The following SLMAP variants were observed in gnomAD, a reference collection of about 807,000 sequenced individuals.
SLMAP encodes the protein sarcolemmal membrane-associated protein.
SLMAP carries 44 observed loss-of-function variants against 128.8 expected under a neutral mutation model. The observed-to-expected ratio is 0.34, with a 90% CI of 0.27 to 0.44. SLMAP has a LOEUF of 0.44. Among genes scored for constraint, SLMAP ranks in the 20% least tolerant of loss-of-function variants. The probability of loss-of-function intolerance (pLI) is 1.00; values close to 1 mark genes in which losing one functional copy is unlikely to be tolerated. For missense variants in SLMAP, 787 were observed against 985.3 expected (o/e 0.80, Z 2.69); for synonymous variants, 327 against 348.8 (o/e 0.94, Z 0.70).
intron 2 of SLMAP, among the ~76,000 whole-genome samples, chr3:57,812,480 G>C (rs921561059): frequency 6.6e-6 from 1 of 152,084 alleles, no homozygotes; most frequent in African/African-American, 2.4e-5. Context: ...GTTTTGATTA[G>C]TGTAGCTTTG....
At chr3:57,861,287 C>T (rs2095048220) in intron 9 of SLMAP, among the ~76,000 whole-genome samples, 1 of 152,112 alleles carries the variant, frequency 6.6e-6, no homozygotes, top group African/African-American at 2.4e-5. Context: ...GAAATCATCT[C>T]CAAGGTCCTT....
chr3:57,791,303 T>G (rs533839345), intron 2 of SLMAP, among the ~76,000 whole-genome samples: 2 of 151,660 alleles, frequency 1.3e-5, no homozygotes, highest in Admixed American at 6.6e-5. Context: ...GAGGTTGCAG[T>G]GAGCCGAGAC....
At position 57,928,284 on chromosome 3, in the gene SLMAP, A is replaced by C. The variant is rs1284389873; in HGVS notation, c.*995A>C. Reference sequence around the variant, plus strand: ...GCATGATTTTTTTTTTCTATCATCTATTCCTCCAAGCATGTTTAATTGAAG... The same window carrying C: ...GCATGATTTTTTTTTTCTATCATCTCTTCCTCCAAGCATGTTTAATTGAAG... On this transcript the variant is annotated 3_prime_UTR_variant, in exon 25 of 25. Coordinates refer to ENST00000671191, the MANE Select transcript of SLMAP (RefSeq NM_001377540.1). 6.6e-6 allele frequency: 1 copy of C among 152,028 alleles called. No homozygotes were observed. The highest frequency in any genetic ancestry group is 1.5e-5 in the Non-Finnish European group (1 of 67,984). 9.4% of individuals were successfully genotyped at this position (152,028 alleles called of 1,614,324 possible).
chr3:57,822,335 A>G (rs1024828708), intron 2 of SLMAP, among the ~76,000 whole-genome samples: 9 of 152,084 alleles, frequency 5.9e-5, no homozygotes, highest in African/African-American at 1.9e-4. Flanking sequence ...TAAATCTGCA[A>G]TAGCTGTGAG....
chr3:57,856,290 A>G (rs2094784783), intron 6 of SLMAP, among the ~76,000 whole-genome samples: 2 of 152,196 alleles, frequency 1.3e-5, no homozygotes, highest in South Asian at 4.1e-4. Context: ...TAACTTTTTT[A>G]CTTTATAAAC....
intron 19 of SLMAP, among the ~76,000 whole-genome samples, chr3:57,911,217 G>A (rs537896139): frequency 1.3e-5 from 2 of 152,074 alleles, no homozygotes; most frequent in African/African-American, 4.8e-5. Flanking sequence ...TGTATTTCAC[G>A]ACTGTATCAA....
Position 57,927,402 on chromosome 3 carries a change from G to C in SLMAP, c.*113G>C. Reference sequence around the variant, plus strand: ...GCTTCTCCATGAGAGCGTTCCTTGAGTCCGTACACCGTCCTCCCTCTAGAA... The same window carrying C: ...GCTTCTCCATGAGAGCGTTCCTTGACTCCGTACACCGTCCTCCCTCTAGAA... On this transcript the variant is annotated 3_prime_UTR_variant, in exon 25 of 25. Coordinates refer to ENST00000671191, the MANE Select transcript of SLMAP (RefSeq NM_001377540.1). 6.6e-7 allele frequency: 1 copy of C among 1,510,506 alleles called. No individual in the cohort carries two copies. The highest frequency in any genetic ancestry group is 2.3e-5 in the East Asian group (1 of 43,500). The allele number at this position is 1,510,506 out of a possible 1,614,324, so 93.6% of individuals were successfully genotyped here. A position where few individuals can be genotyped will look rare whatever the true frequency, so the allele number is the denominator to read the frequency against.
chr3:57,809,990 A>G (rs1352993993), intron 2 of SLMAP, among the ~76,000 whole-genome samples: 1 of 152,180 alleles, frequency 6.6e-6, no homozygotes, highest in Non-Finnish European at 1.5e-5. Flanking sequence ...CTTGCTTGCC[A>G]TACTGCAGAT....
In SLMAP at chr3:57,815,713, C is replaced by T. The variant is rs78452419; in HGVS notation, c.199-15670C>T. On this transcript the variant is annotated intron_variant, in intron 2 of 24. Coordinates refer to ENST00000671191, the MANE Select transcript of SLMAP (RefSeq NM_001377540.1). ...TCTTGAACTCCTGGACTCAGACAGT[C>T]CTCCCACCTTAGCCTCCCAAAGTGC... Among the ~76,000 whole-genome samples the T allele has an allele frequency of 8.1e-3, 1,228 of 151,850 alleles. 14 individuals carry two copies. Among genetic ancestry groups the T allele is most frequent in the Middle Eastern group, 0.017 (5 of 292 alleles).
rs560353683 is a variant in SLMAP at position 57,875,244 on chromosome 3, C to A, written c.1300+3546C>A. On this transcript the variant is annotated intron_variant, in intron 14 of 24. Coordinates refer to ENST00000671191, the MANE Select transcript of SLMAP (RefSeq NM_001377540.1). ...GTGGACCAAAGAACAGCGAAAAAAACCAGGCACAGTGGCTCATACCTGTAA... is the reference window on the plus strand; with the variant it reads ...GTGGACCAAAGAACAGCGAAAAAAAACAGGCACAGTGGCTCATACCTGTAA... 8.9e-4 allele frequency among the ~76,000 whole-genome samples: 136 copies of A among 152,214 alleles called. No individual in the cohort carries two copies. The Middle Eastern group carries it at 0.01, about 11-fold the overall frequency.
At chr3:57,923,943 G>A (rs894394867) in intron 23 of SLMAP, among the ~76,000 whole-genome samples, 2 of 152,206 alleles carry the variant, frequency 1.3e-5, no homozygotes, top group Non-Finnish European at 2.9e-5. Context: ...AGAAGTTGAT[G>A]AACTGGGTGT....
At chr3:57,914,972 G>C (rs1025132713) in intron 21 of SLMAP, among the ~76,000 whole-genome samples, 1 of 149,332 alleles carries the variant, frequency 6.7e-6, no homozygotes, top group East Asian at 2.0e-4. Flanking sequence ...TGCAGCCTCC[G>C]CCTCCCAGGT....
At chr3:57,849,075 C>T (rs1371665825) in intron 5 of SLMAP, among the ~76,000 whole-genome samples, 1 of 151,118 alleles carries the variant, frequency 6.6e-6, no homozygotes, top group Non-Finnish European at 1.5e-5. Flanking sequence ...TAGCGTGACA[C>T]GGGGTTTCAC....
At chr3:57,812,650 T>G (rs1333438052) in intron 2 of SLMAP, among the ~76,000 whole-genome samples, 2 of 152,126 alleles carry the variant, frequency 1.3e-5, no homozygotes, top group African/African-American at 4.8e-5. Context: ...ATTGATTGCT[T>G]TGGGTATTAT....
chr3:57,861,950 G>C lies in SLMAP; in HGVS notation c.830G>C (p.Arg277Pro), dbSNP rs756718350. 1 of 1,610,702 alleles carries C rather than the reference G, an allele frequency of 6.2e-7. No homozygotes were observed. Among genetic ancestry groups the C allele is most frequent in the South Asian group, 1.1e-5 (1 of 90,756 alleles). Residue 277 changes from arginine (R) to proline (P), a missense_variant and splice_region_variant, in exon 10 of 25, where the codon CGA becomes CCA. Physicochemically the swap from Arg to Pro is moderately radical, Grantham distance 103. Around this residue, in one of 2 missense-constraint regions of SLMAP, gnomAD observed 715 missense variants for 843.6 expected, o/e 0.85. Transcript: ENST00000671191. Reference protein sequence around the residue: ...EVVRKLSEVERSLSNTEDECT... With the variant: ...EVVRKLSEVEPSLSNTEDECT... Reference sequence around the variant, plus strand: ...ATTGCCTGTAAACTTGAATCGCAGCGAAGTCTGAGTAATACTGAAGATGAA... The same window carrying C: ...ATTGCCTGTAAACTTGAATCGCAGCCAAGTCTGAGTAATACTGAAGATGAA...
At chr3:57,816,072 T>G (rs1435343633) in intron 2 of SLMAP, among the ~76,000 whole-genome samples, 1 of 152,218 alleles carries the variant, frequency 6.6e-6, no homozygotes, top group African/African-American at 2.4e-5. Context: ...TTAAGTAGGT[T>G]GCTCATGGTC....
chr3:57,811,443 A>G (rs2090963534), intron 2 of SLMAP, among the ~76,000 whole-genome samples: 1 of 152,164 alleles, frequency 6.6e-6, no homozygotes, highest in African/African-American at 2.4e-5. Context: ...AGGCTGAATA[A>G]TATTTTATTG....
intron 14 of SLMAP, among the ~76,000 whole-genome samples, chr3:57,877,343 A>G (rs988689739): frequency 2.0e-5 from 3 of 152,184 alleles, no homozygotes; most frequent in African/African-American, 7.2e-5. Flanking sequence ...TTTATTTTTC[A>G]TCACTCTGTG....
At chr3:57,893,633 A>T (rs1201114099) in intron 15 of SLMAP, among the ~76,000 whole-genome samples, 1 of 152,152 alleles carries the variant, frequency 6.6e-6, no homozygotes, top group East Asian at 1.9e-4. Context: ...TAATATTTTA[A>T]TCCTAAAATT....
Sources: gnomAD v4.1 joint callset for allele counts (sites outside exome capture counted in the v4.1 genomes callset) on GRCh38, gnomAD v4.1.1 for gene constraint, gnomAD v4.1.1 regional missense constraint, MANE v1.5 for transcripts, NCBI Gene and HGNC (gene_info 2026-07-23, HGNC 2026-07-21) for gene names.